RIMBP2: variants seen among roughly 807,000 people sequenced by gnomAD.
RIMBP2 encodes RIMS-binding protein 2.
Under a neutral mutation model 118.6 loss-of-function variants are expected in RIMBP2, and 48 were observed. The observed-to-expected ratio is 0.40, with a 90% CI of 0.32 to 0.51. The LOEUF is 0.51. Ranked by LOEUF, RIMBP2 falls within the 20% of genes least tolerant of loss-of-function variation. RIMBP2 has a pLI of 0.41. For missense variants in RIMBP2, 1,551 were observed against 1,768.3 expected (o/e 0.88, Z 2.20); for synonymous variants, 762 against 742.9 (o/e 1.03, Z -0.42).
At chr12:130,569,615 C>T (rs4759728) in intron 2 of RIMBP2, among the ~76,000 whole-genome samples, 63,111 of 152,098 alleles carry the variant, frequency 0.41, 13,750 homozygotes, top group Middle Eastern at 0.48. Flanking sequence ...ATACCATAGC[C>T]TTGGAGCTAT....
In RIMBP2 at chr12:130,422,737, C is replaced by T. The variant is rs1303537863; in HGVS notation, c.3130-176G>A. Among the ~76,000 whole-genome samples, 2 of 152,222 alleles carry T rather than the reference C, an allele frequency of 1.3e-5. No individual in the cohort carries two copies. Among genetic ancestry groups the T allele is most frequent in the African/African-American group, 4.8e-5 (2 of 41,460 alleles). ...AGAACAAAGCCGGGCACCAGCACCC[C>T]ACTGTCTACTCGGAGCCGCTGCTGG... On this transcript the variant is annotated intron_variant, in intron 16 of 22. Transcript: ENST00000690449. This position sits in a 1 kb window ranked among gnomAD's most constrained non-coding sequence, Gnocchi z 5.2.
intron 2 of RIMBP2, among the ~76,000 whole-genome samples, chr12:130,594,315 A>G (rs2059433928): frequency 6.6e-6 from 1 of 152,274 alleles, no homozygotes; most frequent in African/African-American, 2.4e-5. Flanking sequence ...AATGTGGGTC[A>G]CAATTCATGC....
intron 9 of RIMBP2, among the ~76,000 whole-genome samples, chr12:130,449,527 T>A (rs1227541247): frequency 2.0e-5 from 3 of 151,386 alleles, no homozygotes; most frequent in Admixed American, 2.0e-4. Context: ...GAGATCAGGG[T>A]GCTGGACACA....
rs1765410133 is a variant in RIMBP2, at chr12:130,621,552, C to T, written c.-217+6770G>A. On this transcript the variant is annotated intron_variant, in intron 2 of 22. Transcript: ENST00000690449. This position sits in a 1 kb window ranked among gnomAD's most constrained non-coding sequence, Gnocchi z 6.6. ...GAGCTGGTTCTCTGTCATCTGAAAT[C>T]TGAAGATCGCGACACACATAATATA... Among the ~76,000 whole-genome samples, 1 of 152,180 alleles carries T rather than the reference C, an allele frequency of 6.6e-6. No individual in the cohort carries two copies. Among genetic ancestry groups the T allele is most frequent in the Non-Finnish European group, 1.5e-5 (1 of 68,020 alleles).
intron 1 of RIMBP2, among the ~76,000 whole-genome samples, chr12:130,713,630 C>T (rs1950123288): frequency 6.6e-6 from 1 of 152,236 alleles, no homozygotes; most frequent in African/African-American, 2.4e-5. Flanking sequence ...CCCGGGTTCC[C>T]AGCACCACGC....
chr12:130,524,087 G>C (rs1243207275), intron 2 of RIMBP2, among the ~76,000 whole-genome samples: 2 of 152,144 alleles, frequency 1.3e-5, no homozygotes, highest in South Asian at 2.1e-4. Context: ...GTTGCCTCCA[G>C]ATGCCGGGGT....
intron 1 of RIMBP2, among the ~76,000 whole-genome samples, chr12:130,699,267 A>G (rs1445919917): frequency 6.6e-6 from 1 of 152,166 alleles, no homozygotes; most frequent in African/African-American, 2.4e-5. Flanking sequence ...TGCTATAAAG[A>G]CACATGCACA....
At chr12:130,568,739 G>C (rs2057415476) in intron 2 of RIMBP2, among the ~76,000 whole-genome samples, 1 of 152,154 alleles carries the variant, frequency 6.6e-6, no homozygotes, top group Admixed American at 6.5e-5. Context: ...CCACAGTCAT[G>C]TTTCTTACGT....
Position 130,703,160 on chromosome 12 carries a change from C to T in RIMBP2, c.-352+13062G>A, listed in dbSNP as rs1393434698. ...TGGCAGTTGGAGATAATTGCAGTTG[C>T]CAAAGTGGTCCGGCCTCCTAGCATG... is the stretch of plus-strand genomic sequence containing the variant. On this transcript the variant is annotated intron_variant, in intron 1 of 22. Coordinates refer to ENST00000690449, the MANE Select transcript of RIMBP2 (RefSeq NM_001393629.1). The surrounding 1 kb of genome is among the most constrained non-coding windows in gnomAD (Gnocchi z 5.7). 6.6e-6 allele frequency among the ~76,000 whole-genome samples: 1 copy of T among 152,046 alleles called. No individual in the cohort carries two copies. Among genetic ancestry groups the T allele is most frequent in the Non-Finnish European group, 1.5e-5 (1 of 68,010 alleles).
chr12:130,425,885 T>C (rs2076754525), intron 15 of RIMBP2: 1 of 152,520 alleles, frequency 6.6e-6, no homozygotes, highest in Non-Finnish European at 1.5e-5. Context: ...TTGGGGACCA[T>C]GTGGGATTTG....
chr12:130,591,911 T>C (rs2059293958), intron 2 of RIMBP2, among the ~76,000 whole-genome samples: 1 of 152,226 alleles, frequency 6.6e-6, no homozygotes, highest in Non-Finnish European at 1.5e-5. Context: ...TTGCATCTTA[T>C]CTGACAGCCT....
At chr12:130,435,485 T>C (rs2077449261) in intron 13 of RIMBP2, among the ~76,000 whole-genome samples, 2 of 152,188 alleles carry the variant, frequency 1.3e-5, no homozygotes, top group African/African-American at 4.8e-5. Flanking sequence ...TTGCTTTCTC[T>C]CCCGCCCCAG....
intron 2 of RIMBP2, among the ~76,000 whole-genome samples, chr12:130,570,832 G>C (rs1164382526): frequency 6.6e-6 from 1 of 152,190 alleles, no homozygotes; most frequent in Non-Finnish European, 1.5e-5. Flanking sequence ...CAAGGTCACA[G>C]AATAAAAATA....
intron 1 of RIMBP2, among the ~76,000 whole-genome samples, chr12:130,667,030 GAA>G (rs2063953502): frequency 2.0e-5 from 1 of 50,588 alleles, no homozygotes; most frequent in African/African-American, 7.9e-5. Context: ...AGAGAAAGAA[GAA>G]GAGGGAGGAA....
In RIMBP2 at chr12:130,414,313, G is replaced by A. The variant is rs118144699; in HGVS notation, c.3239-7C>T. On this transcript the variant is annotated splice_region_variant and splice_polypyrimidine_tract_variant and intron_variant, in intron 17 of 22. Coordinates refer to ENST00000690449, the MANE Select transcript of RIMBP2 (RefSeq NM_001393629.1). ...CGGTCTCGCCCGTAATCGTCTGCGA[G>A]CAAGTGGGGGTGAAGAACAGAGCGG... 521 of 1,572,068 alleles carry A rather than the reference G, an allele frequency of 3.3e-4. 5 individuals carry two copies. The East Asian group carries it at 8.0e-3, about 24-fold the overall frequency.
intron 3 of RIMBP2, among the ~76,000 whole-genome samples, chr12:130,507,160 C>T (rs1382512356): frequency 6.6e-6 from 1 of 152,194 alleles, no homozygotes; most frequent in Non-Finnish European, 1.5e-5. Flanking sequence ...AGAACTCTCC[C>T]TTTTGCCCAC....
intron 4 of RIMBP2, 43 bp from the exon 5 acceptor site, chr12:130,479,059 G>T: frequency 6.5e-7 from 1 of 1,528,142 alleles, no homozygotes; most frequent in Non-Finnish European, 9.0e-7. Flanking sequence ...GGCAGCCTGT[G>T]CCCATGGGCG....
At chr12:130,662,627 G>C (rs1259671142) in intron 1 of RIMBP2, among the ~76,000 whole-genome samples, 1 of 151,960 alleles carries the variant, frequency 6.6e-6, no homozygotes, top group African/African-American at 2.4e-5. Flanking sequence ...TTGTACTCCA[G>C]CCTGGTGACA....
intron 2 of RIMBP2, among the ~76,000 whole-genome samples, chr12:130,600,036 C>A (rs999148615): frequency 6.6e-6 from 1 of 152,196 alleles, no homozygotes; most frequent in African/African-American, 2.4e-5. Flanking sequence ...TGGGAGCCCC[C>A]ACTCTGCCTC....
Sources: gnomAD v4.1 joint callset for allele counts (sites outside exome capture counted in the v4.1 genomes callset) on GRCh38, gnomAD v4.1.1 for gene constraint, Gnocchi (gnomAD v3.1) non-coding constraint, MANE v1.5 for transcripts, NCBI Gene and HGNC (gene_info 2026-07-23, HGNC 2026-07-21) for gene names.